The following SCLT1 variants were observed in gnomAD, a reference collection of about 807,000 sequenced individuals.
SCLT1 encodes sodium channel-associated protein 1.
A neutral mutation model predicts 112.8 loss-of-function variants in SCLT1; 78 were observed. The ratio of observed to expected loss-of-function variants is 0.69; its 90% CI spans 0.58 to 0.83. The LOEUF (loss-of-function observed/expected upper bound fraction) is 0.83. Ranked by LOEUF, SCLT1 falls within the 40% of genes least tolerant of loss-of-function variation. The pLI is 0.00. For synonymous variants in SCLT1, 257 were observed against 254.7 expected, an observed-to-expected ratio of 1.01 and a Z score of -0.09; for missense variants, 747 against 770.4, an observed-to-expected ratio of 0.97 and a Z score of 0.36.
chr4:129,031,094 C>T (rs1264030825), intron 5 of SCLT1, among the ~76,000 whole-genome samples: 1 of 152,096 alleles, frequency 6.6e-6, no homozygotes, highest in Non-Finnish European at 1.5e-5. Context: ...TCCAGCAGCA[C>T]ATCAAAAAGC....
In SCLT1 at chr4:128,992,257, G is replaced by T; in HGVS notation, c.616-20C>A. On this transcript the variant is annotated intron_variant, in intron 8 of 20. Transcript: ENST00000281142. ...GTTAGTCTGCCACAAGAAAAAAAAA[G>T]AATCAGTATTAGAATATTTAATAAC... 2.0e-6 allele frequency: 3 copies of T among 1,477,458 alleles called. No individual in the cohort carries two copies. Among genetic ancestry groups the T allele is most frequent in the Non-Finnish European group, 2.8e-6 (3 of 1,067,480 alleles). 91.5% of individuals were successfully genotyped at this position (1,477,458 alleles called of 1,614,324 possible).
chr4:129,081,281 G>A (rs1430079083), intron 2 of SCLT1, among the ~76,000 whole-genome samples: 1 of 152,156 alleles, frequency 6.6e-6, no homozygotes, highest in Admixed American at 6.5e-5. Context: ...AGAACAAAGA[G>A]CTTGTAAACC....
At chr4:128,955,787 A>G (rs1330647180) in intron 13 of SCLT1, among the ~76,000 whole-genome samples, 1 of 152,184 alleles carries the variant, frequency 6.6e-6, no homozygotes, top group Non-Finnish European at 1.5e-5. Flanking sequence ...TACAATGAGT[A>G]TATATCACTT....
rs111845798 is a variant in SCLT1 at position 129,012,182 on chromosome 4, C to T, written c.291-8306G>A. Among the ~76,000 whole-genome samples, 841 of 152,174 alleles carry T rather than the reference C, an allele frequency of 5.5e-3. 8 individuals are homozygous for T. Among genetic ancestry groups the T allele is most frequent in the African/African-American group, 0.019 (794 of 41,522 alleles). On this transcript the variant is annotated intron_variant, in intron 5 of 20. Coordinates refer to ENST00000281142, the MANE Select transcript of SCLT1 (RefSeq NM_144643.4). ...ATGTGAGCACTTAGTGCTATAAATT[C>T]CCTCTTAACACTGCCTTAGCTGTGT...
chr4:129,018,666 C>T (rs1433541813), intron 5 of SCLT1, among the ~76,000 whole-genome samples: 3 of 151,990 alleles, frequency 2.0e-5, no homozygotes, highest in Non-Finnish European at 4.4e-5. Flanking sequence ...TTAATAGACT[C>T]GCTCAAAGTA....
At chr4:129,003,955 T>C (rs1398131540) in intron 5 of SCLT1, 79 bp from the exon 6 acceptor site, 2 of 1,302,804 alleles carry the variant, frequency 1.5e-6, no homozygotes, top group Middle Eastern at 1.8e-4. Flanking sequence ...AATTAAACAT[T>C]TGGGTCAACA....
At chr4:129,058,384 T>A (rs1294967693) in intron 2 of SCLT1, among the ~76,000 whole-genome samples, 1 of 152,200 alleles carries the variant, frequency 6.6e-6, no homozygotes, top group Non-Finnish European at 1.5e-5. Context: ...TCTTTTGCTG[T>A]ATCCCATTGT....
intron 11 of SCLT1, 63 bp from the exon 12 acceptor site, chr4:128,959,840 T>A: frequency 7.9e-7 from 1 of 1,265,522 alleles, no homozygotes; most frequent in Non-Finnish European, 1.1e-6. Flanking sequence ...GGAGATTTAC[T>A]GAGCATCTAC....
intron 9 of SCLT1, among the ~76,000 whole-genome samples, chr4:128,986,970 G>C (rs1323490483): frequency 6.6e-6 from 1 of 152,156 alleles, no homozygotes; most frequent in Non-Finnish European, 1.5e-5. Flanking sequence ...TCTGACTGGG[G>C]AAGGAGTAAG....
intron 15 of SCLT1, 146 bp downstream of exon 15, chr4:128,948,350 A>AG: frequency 9.7e-7 from 1 of 1,026,514 alleles, no homozygotes; most frequent in Non-Finnish European, 1.3e-6. Flanking sequence ...AAAAAAAAAA[A>AG]AAAAAAAAAG....
At chr4:129,050,028 T>C in intron 2 of SCLT1, among the ~76,000 whole-genome samples, 1 of 152,170 alleles carries the variant, frequency 6.6e-6, no homozygotes, top group African/African-American at 2.4e-5. Flanking sequence ...CTGAGGAGAA[T>C]GCTTTCCAAC....
intron 9 of SCLT1, among the ~76,000 whole-genome samples, chr4:128,985,332 C>T (rs1579598867): frequency 2.0e-5 from 3 of 152,184 alleles, no homozygotes; most frequent in East Asian, 1.9e-4. Flanking sequence ...ATACATATAT[C>T]GATGATCAAT....
rs186143811 is a variant in SCLT1 at position 128,975,940 on chromosome 4, C to T, written c.687-5472G>A. Among the ~76,000 whole-genome samples the T allele has an allele frequency of 1.8e-4, 27 of 152,258 alleles. No homozygotes were observed. The East Asian group carries it at 5.2e-3, about 29-fold the overall frequency. On this transcript the variant is annotated intron_variant, in intron 9 of 20. Transcript: ENST00000281142. ...AAGGGTTCCAAAGAAATTCTAAAAG[C>T]AGTGGATATTATAATCCATACGCTG...
intron 5 of SCLT1, chr4:128,874,224 T>C (rs1452206442): frequency 2.6e-5 from 4 of 152,618 alleles, no homozygotes; most frequent in Non-Finnish European, 5.9e-5. Flanking sequence ...GGTTGGACTT[T>C]ATCTACAGTT....
intron 1 of SCLT1, among the ~76,000 whole-genome samples, chr4:129,091,457 T>C (rs1272573702): frequency 6.6e-6 from 1 of 152,070 alleles, no homozygotes. Flanking sequence ...CTAAGAATTC[T>C]GGCTGGATCA....
intron 17 of SCLT1, among the ~76,000 whole-genome samples, chr4:128,939,606 G>A (rs1033113217): frequency 2.2e-4 from 34 of 152,090 alleles, no homozygotes; most frequent in African/African-American, 8.2e-4. Flanking sequence ...TGCTGGAAAC[G>A]ACTCCATTTC....
At chr4:128,901,358 C>G (rs2125935347) in intron 18 of SCLT1, among the ~76,000 whole-genome samples, 1 of 152,278 alleles carries the variant, frequency 6.6e-6, no homozygotes, top group East Asian at 1.9e-4. Context: ...AGGATGAGTT[C>G]ATGTCCTTTG....
At chr4:129,091,427 T>C (rs1286999525) in intron 1 of SCLT1, among the ~76,000 whole-genome samples, 1 of 151,976 alleles carries the variant, frequency 6.6e-6, no homozygotes, top group Non-Finnish European at 1.5e-5. Flanking sequence ...TTTCCCCTGG[T>C]ATTTGGATCT....
At chr4:129,013,148 T>G (rs1744688531) in intron 5 of SCLT1, among the ~76,000 whole-genome samples, 1 of 152,076 alleles carries the variant, frequency 6.6e-6, no homozygotes, top group Non-Finnish European at 1.5e-5. Context: ...TCCCACCCTC[T>G]CCTTTCAAGT....
Sources: gnomAD v4.1 joint callset for allele counts (sites outside exome capture counted in the v4.1 genomes callset) on GRCh38, gnomAD v4.1.1 for gene constraint, MANE v1.5 for transcripts, NCBI Gene and HGNC (gene_info 2026-07-23, HGNC 2026-07-21) for gene names.